Variants in RABGAP1L observed in about 807,000 individuals in gnomAD.
The protein encoded by RABGAP1L is rab GTPase-activating protein 1-like.
In RABGAP1L, 63 loss-of-function variants were observed where a neutral mutation model predicts 137.7. The observed-to-expected ratio is 0.46, with a 90% CI of 0.37 to 0.56. The LOEUF (loss-of-function observed/expected upper bound fraction) is 0.56, where lower values mean the gene tolerates loss of function less well. Ranked by LOEUF, RABGAP1L falls within the 20% of genes least tolerant of loss-of-function variation. The pLI, the probability that RABGAP1L is intolerant of heterozygous loss-of-function variation, is 0.00. For synonymous variants in RABGAP1L, 431 were observed against 433.7 expected (o/e 0.99, Z 0.08); for missense variants, 1,095 against 1,244.0 (o/e 0.88, Z 1.80).
intron 13 of RABGAP1L, among the ~76,000 whole-genome samples, chr1:174,620,058 G>A (rs1344322963): frequency 6.6e-6 from 1 of 152,246 alleles, no homozygotes; most frequent in East Asian, 1.9e-4. Context: ...TTACATAATG[G>A]TAAAGGGATC....
chr1:174,862,237 A>G (rs903441369), intron 19 of RABGAP1L, among the ~76,000 whole-genome samples: 1 of 152,166 alleles, frequency 6.6e-6, no homozygotes, highest in African/African-American at 2.4e-5. Context: ...TGCCCTTGTC[A>G]AAGAGAGATC....
chr1:174,617,364 G>T (rs1164746509), intron 13 of RABGAP1L, among the ~76,000 whole-genome samples: 2 of 152,180 alleles, frequency 1.3e-5, no homozygotes, highest in East Asian at 3.8e-4. Flanking sequence ...AGGAAAGAAA[G>T]TTGTAATATT....
At chr1:174,350,131 G>C (rs375497497) in intron 11 of RABGAP1L, among the ~76,000 whole-genome samples, 10,569 of 98,008 alleles carry the variant, frequency 0.11, no homozygotes, top group African/African-American at 0.2. Flanking sequence ...CTGGCCGGGT[G>C]GGGGGGCTGA....
intron 12 of RABGAP1L, among the ~76,000 whole-genome samples, chr1:174,376,142 GAGAA>G (rs1288836946): frequency 6.7e-6 from 1 of 148,160 alleles, no homozygotes; most frequent in African/African-American, 2.5e-5. Context: ...TAGAGAAAGA[GAGAA>G]GGAAGGAGAG....
At chr1:174,471,899 G>A (rs576819536) in intron 13 of RABGAP1L, among the ~76,000 whole-genome samples, 4 of 152,150 alleles carry the variant, frequency 2.6e-5, no homozygotes, top group African/African-American at 4.8e-5. Flanking sequence ...GTTAGATGGG[G>A]TCATAAGTGT....
intron 13 of RABGAP1L, among the ~76,000 whole-genome samples, chr1:174,622,521 G>A (rs1464684021): frequency 6.6e-6 from 1 of 152,200 alleles, no homozygotes; most frequent in Non-Finnish European, 1.5e-5. Context: ...ATACTATGCA[G>A]CCATAAAATA....
intron 7 of RABGAP1L, among the ~76,000 whole-genome samples, chr1:174,269,961 T>G (rs533354579): frequency 2.0e-5 from 3 of 152,174 alleles, no homozygotes; most frequent in African/African-American, 4.8e-5. Context: ...ACTAATAATA[T>G]CTATCTAATT....
chr1:174,419,199 A>T (rs1259919676), intron 13 of RABGAP1L, among the ~76,000 whole-genome samples: 1 of 152,202 alleles, frequency 6.6e-6, no homozygotes, highest in Non-Finnish European at 1.5e-5. Context: ...TTTGTCAGAA[A>T]CATTACCTAG....
intron 1 of RABGAP1L, among the ~76,000 whole-genome samples, chr1:174,208,068 A>T (rs1266659710): frequency 6.6e-6 from 1 of 152,092 alleles, no homozygotes; most frequent in Non-Finnish European, 1.5e-5. Context: ...TGTTTTTTAG[A>T]TTTCTGCTTA....
intron 20 of RABGAP1L, among the ~76,000 whole-genome samples, chr1:174,965,553 G>C (rs956998298): frequency 1.3e-5 from 2 of 152,194 alleles, no homozygotes; most frequent in Admixed American, 1.3e-4. Flanking sequence ...GTAAAAGACA[G>C]CCACGTTAAT....
At chr1:174,286,320 T>C (rs1186100265) in intron 10 of RABGAP1L, among the ~76,000 whole-genome samples, 3 of 152,172 alleles carry the variant, frequency 2.0e-5, no homozygotes, top group African/African-American at 4.8e-5. Flanking sequence ...CAGGAATTTA[T>C]TTATTATTCT....
chr1:174,840,827 TAAAAAA>T (rs5778818), intron 19 of RABGAP1L, among the ~76,000 whole-genome samples: 1 of 126,124 alleles, frequency 7.9e-6, no homozygotes. Flanking sequence ...AAAAAAAAAA[TAAAAAA>T]AAAAAAAGAA....
At chr1:174,581,097 T>A (rs59323596) in intron 13 of RABGAP1L, among the ~76,000 whole-genome samples, 1,925 of 152,252 alleles carry the variant, frequency 0.013, 50 homozygotes, top group African/African-American at 0.045. Flanking sequence ...TGTAGCTGCC[T>A]TGGAAAACAG....
intron 13 of RABGAP1L, among the ~76,000 whole-genome samples, chr1:174,534,775 C>CAAAAAAAAAAAAAAAAAAAAAAAAAAAA (rs71117567): frequency 5.6e-5 from 4 of 71,624 alleles, no homozygotes; most frequent in Non-Finnish European, 1.2e-4. Flanking sequence ...ACTCTGTCTC[C>CAAAAAAAAAAAAAAAAAAAAAAAAAAAA]AAAAAAAAAA....
At chr1:174,484,569 T>G (rs555621899) in intron 13 of RABGAP1L, among the ~76,000 whole-genome samples, 9 of 152,340 alleles carry the variant, frequency 5.9e-5, no homozygotes, top group African/African-American at 2.2e-4. Context: ...CCATTTTGAT[T>G]TGATATTTGT....
chr1:174,662,232 T>A (rs1676439611), intron 14 of RABGAP1L, among the ~76,000 whole-genome samples: 1 of 149,310 alleles, frequency 6.7e-6, no homozygotes, highest in Non-Finnish European at 1.5e-5. Flanking sequence ...ACCTCCCAAG[T>A]AGCTGGGATT....
intron 1 of RABGAP1L, among the ~76,000 whole-genome samples, chr1:174,218,416 A>T (rs983387465): frequency 6.6e-6 from 1 of 152,210 alleles, no homozygotes; most frequent in Non-Finnish European, 1.5e-5. Context: ...TTGTGTGAGT[A>T]CATGAACTTC....
At chr1:174,606,363 T>C (rs1308873685) in intron 13 of RABGAP1L, among the ~76,000 whole-genome samples, 3 of 152,220 alleles carry the variant, frequency 2.0e-5, no homozygotes, top group African/African-American at 7.2e-5. Flanking sequence ...TTTCAGATTG[T>C]GCCCTGATAC....
At chr1:174,787,800 G>A (rs980158771) in intron 18 of RABGAP1L, among the ~76,000 whole-genome samples, 1 of 152,162 alleles carries the variant, frequency 6.6e-6, no homozygotes, top group Non-Finnish European at 1.5e-5. Flanking sequence ...AGAATAGTCT[G>A]GGGGAGAAAT....
Sources: allele counts gnomAD v4.1 joint callset (sites outside exome capture counted in the v4.1 genomes callset), GRCh38; gene constraint gnomAD v4.1.1; transcripts MANE v1.5; gene names NCBI Gene and HGNC (gene_info 2026-07-23, HGNC 2026-07-21).